The following ATP9A variants were observed in gnomAD, a reference collection of about 807,000 sequenced individuals.
ATP9A encodes probable phospholipid-transporting ATPase IIA.
In ATP9A, 52 loss-of-function variants were observed where a neutral mutation model predicts 144.1. The ratio of observed to expected loss-of-function variants is 0.36; its 90% CI spans 0.29 to 0.45. The LOEUF is 0.45. Ranked by LOEUF, ATP9A falls within the 20% of genes least tolerant of loss-of-function variation. The pLI, the probability that ATP9A is intolerant of heterozygous loss-of-function variation, is 1.00. For synonymous variants in ATP9A, 582 were observed against 557.4 expected (o/e 1.04, Z -0.62); for missense variants, 947 against 1,392.7 (o/e 0.68, Z 5.09).
intron 1 of ATP9A, among the ~76,000 whole-genome samples, chr20:51,767,227 G>A (rs1016221804): frequency 4.6e-5 from 7 of 151,960 alleles, no homozygotes; most frequent in Non-Finnish European, 8.8e-5. Flanking sequence ...GAGGAAGGGC[G>A]GAGCAGAGCG....
chr20:51,634,677 G>T (rs1326603507), intron 15 of ATP9A, among the ~76,000 whole-genome samples: 1 of 151,962 alleles, frequency 6.6e-6, no homozygotes, highest in Non-Finnish European at 1.5e-5. Flanking sequence ...CCAACATGGA[G>T]AAACCCCATC....
intron 17 of ATP9A, among the ~76,000 whole-genome samples, chr20:51,627,071 A>AAAG: frequency 6.6e-6 from 1 of 151,554 alleles, no homozygotes; most frequent in Non-Finnish European, 1.5e-5. Flanking sequence ...AAAAAAAAAA[A>AAAG]AAGAAGAAGA....
At chr20:51,648,224 T>TA (rs1472189124) in intron 14 of ATP9A, among the ~76,000 whole-genome samples, 3 of 152,030 alleles carry the variant, frequency 2.0e-5, no homozygotes, top group Non-Finnish European at 2.9e-5. Context: ...AATGTGCTCA[T>TA]AAAAAAACAA....
chr20:51,763,540 C>T (rs2077891326), intron 1 of ATP9A, among the ~76,000 whole-genome samples: 1 of 151,730 alleles, frequency 6.6e-6, no homozygotes, highest in South Asian at 2.1e-4. Context: ...GTCTGGATCT[C>T]CTGACCTCCT....
chr20:51,719,803 T>C (rs57867976), intron 3 of ATP9A, among the ~76,000 whole-genome samples: 8,633 of 128,496 alleles, frequency 0.067, 525 homozygotes, highest in African/African-American at 0.2. Flanking sequence ...TCCCAATACT[T>C]TGGGAGGCCA....
intron 15 of ATP9A, among the ~76,000 whole-genome samples, chr20:51,638,899 G>A (rs747853436): frequency 2.6e-5 from 4 of 152,022 alleles, no homozygotes; most frequent in African/African-American, 7.3e-5. Context: ...TAACGTGCCC[G>A]GCCACAAGGT....
chr20:51,674,069 T>C, intron 11 of ATP9A, 84 bp downstream of exon 11: 1 of 1,440,968 alleles, frequency 6.9e-7, no homozygotes, highest in Non-Finnish European at 9.4e-7. Context: ...ATAATAATAA[T>C]AAAAGCCACA....
chr20:51,690,344 C>A (rs2077542837), intron 8 of ATP9A, among the ~76,000 whole-genome samples: 1 of 151,902 alleles, frequency 6.6e-6, no homozygotes, highest in Non-Finnish European at 1.5e-5. Context: ...GGCGTGAACC[C>A]GGGAGACGGA....
At chr20:51,734,368 T>C (rs901682354) in intron 1 of ATP9A, among the ~76,000 whole-genome samples, 2 of 152,038 alleles carry the variant, frequency 1.3e-5, no homozygotes, top group African/African-American at 4.8e-5. Flanking sequence ...CATACAACTA[T>C]CAGATTTAGG....
intron 9 of ATP9A, among the ~76,000 whole-genome samples, chr20:51,683,473 C>T (rs991627891): frequency 2.0e-5 from 3 of 151,880 alleles, no homozygotes; most frequent in South Asian, 2.1e-4. Context: ...TTAGTAGAGA[C>T]GGGGTTCACC....
chr20:51,623,058 T>C (rs148246709), intron 18 of ATP9A, among the ~76,000 whole-genome samples: 1 of 151,862 alleles, frequency 6.6e-6, no homozygotes, highest in East Asian at 1.9e-4. Context: ...ACAGAAGAAG[T>C]AAAGGGAGAG....
In ATP9A at chr20:51,666,155, C is replaced by A. The variant is rs528237057; in HGVS notation, c.1293+3842G>T. Among the ~76,000 whole-genome samples the A allele has an allele frequency of 9.2e-5, 14 of 152,246 alleles. 1 individual carries two copies. The highest frequency in any genetic ancestry group is 3.4e-4 in the African/African-American group (14 of 41,530). On this transcript the variant is annotated intron_variant, in intron 13 of 27. Transcript: ENST00000338821. Reference sequence around the variant, plus strand: ...GAGATGGAACTGAAATGTAAAGAGTCGCTTCCTGTACCCCAGTGGGTCATC... The same window carrying A: ...GAGATGGAACTGAAATGTAAAGAGTAGCTTCCTGTACCCCAGTGGGTCATC...
At chr20:51,672,436 T>C (rs1270519130) in intron 11 of ATP9A, among the ~76,000 whole-genome samples, 1 of 152,120 alleles carries the variant, frequency 6.6e-6, no homozygotes, top group East Asian at 1.9e-4. Context: ...ATGTTACATG[T>C]AGAACTTTGA....
At chr20:51,664,881 G>A (rs962361627) in intron 13 of ATP9A, among the ~76,000 whole-genome samples, 13 of 141,660 alleles carry the variant, frequency 9.2e-5, no homozygotes, top group African/African-American at 2.8e-4. Context: ...CACCACCCCC[G>A]GCTAATTTTT....
intron 3 of ATP9A, among the ~76,000 whole-genome samples, chr20:51,723,607 C>A (rs1438319638): frequency 6.9e-6 from 1 of 144,696 alleles, no homozygotes; most frequent in Non-Finnish European, 1.5e-5. Context: ...GCTCTGTTGA[C>A]CAGGCTGGAG....
In ATP9A at chr20:51,676,504, GT is replaced by G. The variant is rs566142128; in HGVS notation, c.800-297del. Among the ~76,000 whole-genome samples, 241 of 152,204 alleles carry G rather than the reference GT, an allele frequency of 1.6e-3. 1 individual carries two copies. Among genetic ancestry groups the G allele is most frequent in the Admixed American group, 2.7e-3 (41 of 15,274 alleles). ...TGGGTTTGTTTTGTTTTGAGGCGGA[GT>G]TTTACTCTTGTTCCCCAGGCTGGAA... On this transcript the variant is annotated intron_variant, in intron 9 of 27. Transcript: ENST00000338821.
rs942964286 is a variant in ATP9A at position 51,699,357 on chromosome 20, A to G, written c.437-1875T>C. Among the ~76,000 whole-genome samples the G allele has an allele frequency of 2.0e-5, 3 of 149,954 alleles. No homozygotes were observed. The East Asian group carries it at 5.8e-4, about 29-fold the overall frequency. ...TCAAAAAAAAAAAAAAAAAAAAAGAACTTAAAGACTTAAAGACACGAAATA... is the reference window on the plus strand; with the variant it reads ...TCAAAAAAAAAAAAAAAAAAAAAGAGCTTAAAGACTTAAAGACACGAAATA... On this transcript the variant is annotated intron_variant, in intron 4 of 27. Transcript: ENST00000338821.
intron 14 of ATP9A, among the ~76,000 whole-genome samples, chr20:51,651,156 A>ATATATATATATATATATATATATG (rs11268017): frequency 1.0e-4 from 13 of 126,950 alleles, no homozygotes; most frequent in Admixed American, 7.1e-4. Context: ...CTCTCTCCAT[A>ATATATATATATATATATATATATG]TATATATATA....
At chr20:51,608,922 C>CGTGTGTGT (rs1214031645) in intron 24 of ATP9A, among the ~76,000 whole-genome samples, 20,706 of 142,732 alleles carry the variant, frequency 0.15, 1,597 homozygotes, top group East Asian at 0.23. Context: ...GGAAATAAGA[C>CGTGTGTGT]GTGTGTGTGT....
Sources: gnomAD v4.1 joint callset for allele counts (sites outside exome capture counted in the v4.1 genomes callset) on GRCh38, gnomAD v4.1.1 for gene constraint, MANE v1.5 for transcripts, NCBI Gene and HGNC (gene_info 2026-07-23, HGNC 2026-07-21) for gene names.